ZDHHC11: variants seen among roughly 807,000 people sequenced by gnomAD.
ZDHHC11 encodes the protein zDHHC palmitoyltransferase 11.
Under a neutral mutation model 51.3 loss-of-function variants are expected in ZDHHC11, and 44 were observed. That is an observed-to-expected ratio of 0.86 (90% CI 0.67 to 1.10). The LOEUF is 1.10. Ranked by LOEUF, ZDHHC11 falls within the 50% of genes least tolerant of loss-of-function variation. ZDHHC11 has a pLI of 0.00. For synonymous variants in ZDHHC11, 163 were observed against 222.0 expected, an observed-to-expected ratio of 0.73 and a Z score of 2.36; for missense variants, 400 against 537.7, an observed-to-expected ratio of 0.74 and a Z score of 2.53.
chr5:802,974 T>C lies in ZDHHC11; in HGVS notation c.1182-1810A>G, dbSNP rs974425566. On this transcript the variant is annotated intron_variant, in intron 11 of 12. Transcript: ENST00000283441. The stretch of plus-strand genomic sequence containing the variant: ...AGGTGGAGCTTGCAGTGAGCAGAGA[T>C]TGTGCCACTGCACTCTAGCCTGGGC... Among the ~76,000 whole-genome samples the C allele has an allele frequency of 4.7e-5, 7 of 148,554 alleles. 1 individual carries two copies. The highest frequency in any genetic ancestry group is 1.7e-4 in the African/African-American group (7 of 40,566).
chr5:840,765 G>T, intron 4 of ZDHHC11, 115 bp from the exon 5 acceptor site: 2 of 1,561,666 alleles, frequency 1.3e-6, no homozygotes, highest in African/African-American at 1.3e-5. Flanking sequence ...CAGCCAGTGC[G>T]AGGGATGTCT....
intron 1 of ZDHHC11, among the ~76,000 whole-genome samples, chr5:849,326 T>C (rs1234192723): frequency 6.6e-6 from 1 of 151,992 alleles, no homozygotes; most frequent in Non-Finnish European, 1.5e-5. Context: ...CCAAAACCCT[T>C]TACAGCTTGA....
chr5:848,478 T>C lies in ZDHHC11; in HGVS notation c.401+4A>G, dbSNP rs1200089097. On this transcript the variant is annotated splice_donor_region_variant and intron_variant, in intron 2 of 12. Transcript: ENST00000283441. ...TTGGGGCCTCGGCGAGGGCGGGCAC[T>C]CACACGGTGACCTTGCACAGGTGGC... The C allele has an allele frequency of 1.5e-6, 2 of 1,376,644 alleles. No individual in the cohort carries two copies. Among genetic ancestry groups the C allele is most frequent in the East Asian group, 5.1e-5 (2 of 39,418 alleles). 85.3% of individuals were successfully genotyped at this position (1,376,644 alleles called of 1,614,324 possible). A position where few individuals can be genotyped will look rare whatever the true frequency, so the allele number is the denominator to read the frequency against.
At position 841,944 on chromosome 5, in the gene ZDHHC11, C is replaced by G. The variant is rs558331553; in HGVS notation, c.629-1294G>C. 427 of 989,660 alleles carry G rather than the reference C, an allele frequency of 4.3e-4. 1 individual carries two copies. The highest frequency in any genetic ancestry group is 4.6e-4 in the Non-Finnish European group (384 of 832,968). 61.3% of individuals were successfully genotyped at this position (989,660 alleles called of 1,614,324 possible). Reference sequence around the variant, plus strand: ...CCTAGAAGGCAAACACCACACTCAGCCTGACAGGACCGCAGCTCCATGTGC... The same window carrying G: ...CCTAGAAGGCAAACACCACACTCAGGCTGACAGGACCGCAGCTCCATGTGC... On this transcript the variant is annotated intron_variant, in intron 4 of 12. Transcript: ENST00000283441.
At chr5:813,624 C>G (rs1561242195) in intron 11 of ZDHHC11, among the ~76,000 whole-genome samples, 1 of 150,068 alleles carries the variant, frequency 6.7e-6, no homozygotes, top group African/African-American at 2.5e-5. Flanking sequence ...GGCCATCTGG[C>G]CCCCCTGAGC....
intron 10 of ZDHHC11, among the ~76,000 whole-genome samples, chr5:815,142 G>A (rs1348738569): frequency 6.6e-6 from 1 of 151,460 alleles, no homozygotes; most frequent in African/African-American, 2.4e-5. Context: ...TTTATGAAGG[G>A]GAGATTATGA....
intron 12 of ZDHHC11, among the ~76,000 whole-genome samples, chr5:798,424 C>G (rs556898840): frequency 2.0e-5 from 3 of 151,526 alleles, no homozygotes; most frequent in African/African-American, 7.3e-5. Context: ...CGTGCACACA[C>G]ACACCCTTAA....
Position 831,498 on chromosome 5 carries a change from G to A in ZDHHC11, c.935+2275C>T, listed in dbSNP as rs1296051602. On this transcript the variant is annotated intron_variant, in intron 7 of 12. Transcript: ENST00000283441. ...CTTGGGAGCCTGATGCAGGATAATC[G>A]CTTCAACCCAGGAGGCAGAGGCTTC... 1.2e-4 allele frequency among the ~76,000 whole-genome samples: 18 copies of A among 148,438 alleles called. 1 individual carries two copies. Among genetic ancestry groups the A allele is most frequent in the African/African-American group, 4.0e-4 (16 of 40,410 alleles).
chr5:824,085 G>A (rs1249075311), intron 8 of ZDHHC11: 11 of 454,944 alleles, frequency 2.4e-5, no homozygotes, highest in Non-Finnish European at 4.4e-5. Flanking sequence ...GAAGTGTGGT[G>A]AGGTGGCCCT....
chr5:850,108 G>A (rs13159791), intron 1 of ZDHHC11, among the ~76,000 whole-genome samples: 16,791 of 152,336 alleles, frequency 0.11, 1,244 homozygotes, highest in Non-Finnish European at 0.16. Flanking sequence ...CAGCAGGGCG[G>A]GTCCTGCGCC....
chr5:819,751 C>T (rs937203648), intron 9 of ZDHHC11, 139 bp from the exon 10 acceptor site: 16 of 856,312 alleles, frequency 1.9e-5, no homozygotes, highest in Middle Eastern at 2.5e-4. Flanking sequence ...CAGCAGCTCC[C>T]GGGAGGTTGT....
At chr5:811,660 T>C (rs923067206) in intron 11 of ZDHHC11, among the ~76,000 whole-genome samples, 14 of 150,086 alleles carry the variant, frequency 9.3e-5, no homozygotes, top group African/African-American at 3.2e-4. Flanking sequence ...CCCAGCGGAG[T>C]TGGGATGCCA....
upstream of ZDHHC11, among the ~76,000 whole-genome samples, chr5:853,342 A>C (rs1747590310): frequency 1.4e-5 from 2 of 147,566 alleles, no homozygotes; most frequent in South Asian, 4.4e-4. Context: ...CGCAGAGGAC[A>C]GCGAGTCGGG....
chr5:829,053 G>A (rs1420299758), intron 7 of ZDHHC11, among the ~76,000 whole-genome samples: 1 of 133,112 alleles, frequency 7.5e-6, no homozygotes, highest in African/African-American at 2.8e-5. Context: ...GACTGAAAGA[G>A]CACAAACAGA....
At chr5:800,355 G>A (rs1738241596) in intron 12 of ZDHHC11, among the ~76,000 whole-genome samples, 1 of 150,786 alleles carries the variant, frequency 6.6e-6, no homozygotes, top group Middle Eastern at 3.4e-3. Flanking sequence ...GGTACTGAAC[G>A]GTAGACTTCA....
intron 6 of ZDHHC11, among the ~76,000 whole-genome samples, chr5:836,515 G>C (rs1487540677): frequency 1.3e-5 from 2 of 150,158 alleles, no homozygotes; most frequent in East Asian, 3.9e-4. Flanking sequence ...AATGAGTTGG[G>C]AAGTGTTGCT....
At chr5:860,022 G>A (rs937589461), upstream of ZDHHC11, among the ~76,000 whole-genome samples, 10 of 152,212 alleles carry the variant, frequency 6.6e-5, no homozygotes, top group Non-Finnish European at 1.0e-4. The surrounding 1 kb of genome is among the most constrained non-coding windows in gnomAD (Gnocchi z 4.2). Flanking sequence ...CCCTCTTGCC[G>A]GCTGAAGCCT....
chr5:825,542 A>G (rs201316909), intron 7 of ZDHHC11, among the ~76,000 whole-genome samples: 13,114 of 135,756 alleles, frequency 0.097, 57 homozygotes, highest in African/African-American at 0.24. Flanking sequence ...TGCCTAAGAC[A>G]GGTTCTGAAG....
intron 7 of ZDHHC11, among the ~76,000 whole-genome samples, chr5:825,822 C>A (rs1742286655): frequency 6.6e-6 from 1 of 152,240 alleles, no homozygotes; most frequent in Non-Finnish European, 1.5e-5. Flanking sequence ...GACAGAACAA[C>A]CCTGCTCCTA....
Sources: gnomAD v4.1 joint callset for allele counts (sites outside exome capture counted in the v4.1 genomes callset) on GRCh38, gnomAD v4.1.1 for gene constraint, Gnocchi (gnomAD v3.1) non-coding constraint, MANE v1.5 for transcripts, NCBI Gene and HGNC (gene_info 2026-07-23, HGNC 2026-07-21) for gene names.